SIPA1L3: variants seen among roughly 807,000 people sequenced by gnomAD.
SIPA1L3 encodes the protein signal-induced proliferation-associated 1-like protein 3.
In SIPA1L3, 59 loss-of-function variants were observed where a neutral mutation model predicts 150.1. That is an observed-to-expected ratio of 0.39 (90% CI 0.32 to 0.49). The LOEUF (loss-of-function observed/expected upper bound fraction) is 0.49. Ranked by LOEUF, SIPA1L3 falls within the 20% of genes least tolerant of loss-of-function variation. The pLI, the probability that SIPA1L3 is intolerant of heterozygous loss-of-function variation, is 0.86. For synonymous variants in SIPA1L3, 1,070 were observed against 1,077.6 expected (o/e 0.99, Z 0.14); for missense variants, 2,211 against 2,489.5 (o/e 0.89, Z 2.38).
At chr19:38,084,794 C>T (rs183866534) in intron 3 of SIPA1L3, among the ~76,000 whole-genome samples, 32 of 152,070 alleles carry the variant, frequency 2.1e-4, no homozygotes, top group African/African-American at 7.7e-4. Context: ...CGCTCGCTAT[C>T]ATGCCCAGCT....
At chr19:38,080,128 C>T (rs997819060) in intron 2 of SIPA1L3, among the ~76,000 whole-genome samples, 5 of 152,202 alleles carry the variant, frequency 3.3e-5, no homozygotes, top group Non-Finnish European at 1.5e-5. Context: ...TTTACCCAGT[C>T]ATAGTCTGCA....
At chr19:38,104,476 C>T (rs541090361) in intron 6 of SIPA1L3, among the ~76,000 whole-genome samples, 5 of 152,326 alleles carry the variant, frequency 3.3e-5, no homozygotes, top group African/African-American at 9.6e-5. Context: ...GCTCCGCCAG[C>T]GTGGGTGTCC....
chr19:37,984,407 A>G (rs981813991), intron 1 of SIPA1L3, among the ~76,000 whole-genome samples: 3 of 152,196 alleles, frequency 2.0e-5, no homozygotes, highest in African/African-American at 4.8e-5. Context: ...AAAATGTGCC[A>G]TAATTGAAGA....
At chr19:38,169,294 C>T (rs747708432) in intron 15 of SIPA1L3, among the ~76,000 whole-genome samples, 4 of 151,700 alleles carry the variant, frequency 2.6e-5, no homozygotes, top group African/African-American at 4.8e-5. Flanking sequence ...GAGGCTGAGG[C>T]GGGAGAATCG....
intron 2 of SIPA1L3, among the ~76,000 whole-genome samples, chr19:38,073,642 G>A (rs1330574677): frequency 2.0e-5 from 3 of 152,178 alleles, no homozygotes; most frequent in Non-Finnish European, 2.9e-5. Context: ...CACTGAGGAT[G>A]TACAGAATGA....
intron 15 of SIPA1L3, among the ~76,000 whole-genome samples, chr19:38,171,579 G>T (rs1972329150): frequency 6.6e-6 from 1 of 151,710 alleles, no homozygotes; most frequent in African/African-American, 2.4e-5. Flanking sequence ...TTATAGTAGA[G>T]ACAGGGTTTC....
chr19:38,205,090 T>C (rs1396290077), intron 21 of SIPA1L3, among the ~76,000 whole-genome samples: 1 of 152,206 alleles, frequency 6.6e-6, no homozygotes, highest in Non-Finnish European at 1.5e-5. Flanking sequence ...TATTTATTTA[T>C]TGTTTAACCA....
At chr19:38,175,877 T>C (rs1972424144) in intron 15 of SIPA1L3, among the ~76,000 whole-genome samples, 1 of 152,018 alleles carries the variant, frequency 6.6e-6, no homozygotes, top group South Asian at 2.1e-4. Context: ...TATTGAGACT[T>C]CAGGAGGACG....
rs189906607 is a variant in SIPA1L3 at position 38,010,025 on chromosome 19, C to G, written c.-378-19064C>G. ...CATCTCTCTCCATTCATCTCTGACA[C>G]TCCCTATCTCTCTTAATTATGTCTT... On this transcript the variant is annotated intron_variant, in intron 1 of 21. Transcript: ENST00000222345. Among the ~76,000 whole-genome samples, 6 of 152,240 alleles carry G rather than the reference C, an allele frequency of 3.9e-5. 1 individual carries two copies. Among genetic ancestry groups the G allele is most frequent in the African/African-American group, 1.4e-4 (6 of 41,536 alleles).
chr19:37,969,950 G>C (rs1301317605), intron 1 of SIPA1L3, among the ~76,000 whole-genome samples: 1 of 152,116 alleles, frequency 6.6e-6, no homozygotes, highest in Admixed American at 6.5e-5. Flanking sequence ...TTCCTCACTG[G>C]GCTGGCTGTG....
intron 2 of SIPA1L3, among the ~76,000 whole-genome samples, chr19:38,037,149 A>G (rs1161913977): frequency 1.3e-5 from 2 of 152,332 alleles, no homozygotes; most frequent in East Asian, 3.9e-4. Flanking sequence ...TAGTGGTGGA[A>G]ACAGAATTGA....
chr19:37,995,049 T>C (rs527470947), intron 1 of SIPA1L3, among the ~76,000 whole-genome samples: 7 of 152,322 alleles, frequency 4.6e-5, no homozygotes, highest in Middle Eastern at 3.4e-3. Context: ...AGACACGGCA[T>C]CCTGAGCTAG....
intron 1 of SIPA1L3, among the ~76,000 whole-genome samples, chr19:37,961,515 G>C (rs1259491760): frequency 6.6e-6 from 1 of 151,934 alleles, no homozygotes; most frequent in Non-Finnish European, 1.5e-5. Context: ...TTTTCTCCTT[G>C]TCTTTGTCTT....
intron 6 of SIPA1L3, among the ~76,000 whole-genome samples, chr19:38,102,988 G>A (rs187131114): frequency 1.1e-4 from 17 of 152,162 alleles, no homozygotes; most frequent in Non-Finnish European, 2.1e-4. Flanking sequence ...TTAGCTGGGC[G>A]TGGTGGTTCA....
chr19:38,203,062 G>A (rs970909963), intron 20 of SIPA1L3, among the ~76,000 whole-genome samples: 6 of 152,186 alleles, frequency 3.9e-5, no homozygotes, highest in African/African-American at 1.4e-4. Flanking sequence ...ACAACCATCC[G>A]TGCACTGTAC....
At chr19:37,932,910 C>G (rs1049793239) in intron 1 of SIPA1L3, among the ~76,000 whole-genome samples, 1 of 151,990 alleles carries the variant, frequency 6.6e-6, no homozygotes, top group African/African-American at 2.4e-5. Context: ...GAGAAGGAAT[C>G]GGTGACTCTT....
At chr19:38,127,872 C>T (rs561623044) in intron 9 of SIPA1L3, among the ~76,000 whole-genome samples, 2 of 152,048 alleles carry the variant, frequency 1.3e-5, no homozygotes, top group Non-Finnish European at 2.9e-5. Context: ...AACAACATAG[C>T]TTAGGTGGGG....
At position 38,040,830 on chromosome 19, in the gene SIPA1L3, C is replaced by G. The variant is rs575791214; in HGVS notation, c.-311+11674C>G. Among the ~76,000 whole-genome samples, 6 of 152,118 alleles carry G rather than the reference C, an allele frequency of 3.9e-5. No individual in the cohort carries two copies. In the East Asian group the frequency reaches 1.2e-3, roughly 29 times the overall value. ...GGCTGGAGTGCAGTGGCTCAATCTC[C>G]GCTCACTGCAAGCTCCGCCTCCTGG... On this transcript the variant is annotated intron_variant, in intron 2 of 21. Coordinates refer to ENST00000222345, the MANE Select transcript of SIPA1L3 (RefSeq NM_015073.3).
chr19:37,959,254 C>T (rs2046836845), intron 1 of SIPA1L3, among the ~76,000 whole-genome samples: 2 of 152,234 alleles, frequency 1.3e-5, no homozygotes, highest in South Asian at 4.1e-4. Flanking sequence ...TTCGTAACCC[C>T]AGAAGTGAAA....
Sources: gnomAD v4.1 joint callset for allele counts (sites outside exome capture counted in the v4.1 genomes callset) on GRCh38, gnomAD v4.1.1 for gene constraint, MANE v1.5 for transcripts, NCBI Gene and HGNC (gene_info 2026-07-23, HGNC 2026-07-21) for gene names.